TSHR: variants seen among roughly 807,000 people sequenced by gnomAD.
TSHR encodes the protein thyrotropin receptor.
TSHR carries 51 observed loss-of-function variants against 64.1 expected under a neutral mutation model. The ratio of observed to expected loss-of-function variants is 0.80; its 90% confidence interval spans 0.64 to 1.01. The LOEUF (loss-of-function observed/expected upper bound fraction) is 1.01. Ranked by LOEUF, TSHR falls within the 50% of genes least tolerant of loss-of-function variation. TSHR has a pLI of 0.00. For missense variants in TSHR, 877 were observed against 942.8 expected (o/e 0.93, Z 0.91); for synonymous variants, 361 against 361.9 (o/e 1.00, Z 0.03).
chr14:81,059,930 T>C (rs917890016), intron 1 of TSHR, among the ~76,000 whole-genome samples: 2 of 152,152 alleles, frequency 1.3e-5, no homozygotes, highest in Non-Finnish European at 2.9e-5. Flanking sequence ...AAACAGGTGT[T>C]ATATATTTCA....
chr14:81,090,791 A>G (rs550047900), intron 4 of TSHR, among the ~76,000 whole-genome samples: 44 of 152,306 alleles, frequency 2.9e-4, no homozygotes, highest in Non-Finnish European at 3.8e-4. Flanking sequence ...TTTCTAGTAA[A>G]CCCACTTGGT....
At chr14:81,138,176 C>A (rs962715436) in intron 8 of TSHR, among the ~76,000 whole-genome samples, 1 of 150,934 alleles carries the variant, frequency 6.6e-6, no homozygotes. Flanking sequence ...CAGGAACAAG[C>A]GCCAAGGGTA....
At chr14:81,070,625 CAAAAAAAA>C (rs60958301) in intron 3 of TSHR, among the ~76,000 whole-genome samples, 1 of 15,806 alleles carries the variant, frequency 6.3e-5, no homozygotes, top group Admixed American at 1.0e-3. Flanking sequence ...GATTCCATCT[CAAAAAAAA>C]AAAAAAAAAA....
chr14:80,955,640 G>C lies in TSHR; in HGVS notation c.-41G>C. The stretch of plus-strand genomic sequence containing the variant: ...CGAGGTGCAGAGCTGAGAATGAGGC[G>C]ATTTCGGAGGATGGAGAAATAGCCC... On this transcript the variant is annotated 5_prime_UTR_variant, in exon 1 of 10. Transcript: ENST00000298171. 6.2e-7 allele frequency: 1 copy of C among 1,612,030 alleles called. No homozygotes were observed.
chr14:81,005,924 G>T (rs1889579720), intron 1 of TSHR, among the ~76,000 whole-genome samples: 1 of 152,136 alleles, frequency 6.6e-6, no homozygotes, highest in Non-Finnish European at 1.5e-5. Context: ...CCACTGATAT[G>T]ATACTAACCC....
At chr14:81,119,688 C>A (rs1890700334) in intron 8 of TSHR, among the ~76,000 whole-genome samples, 1 of 127,590 alleles carries the variant, frequency 7.8e-6, no homozygotes, top group Admixed American at 7.6e-5. Context: ...GGTATATACC[C>A]AAAGGACTAT....
chr14:81,043,076 G>A (rs1885000333), intron 1 of TSHR, among the ~76,000 whole-genome samples: 1 of 152,058 alleles, frequency 6.6e-6, no homozygotes, highest in African/African-American at 2.4e-5. Context: ...ACATAGCATT[G>A]GAAGTTCTAG....
At chr14:81,136,251 A>T (rs1176955980) in intron 8 of TSHR, among the ~76,000 whole-genome samples, 1 of 152,236 alleles carries the variant, frequency 6.6e-6, no homozygotes, top group Non-Finnish European at 1.5e-5. Context: ...TTGAAAAAGA[A>T]TAAAAGTGGA....
chr14:81,017,038 A>T (rs1883448687), intron 1 of TSHR, among the ~76,000 whole-genome samples: 1 of 152,206 alleles, frequency 6.6e-6, no homozygotes, highest in African/African-American at 2.4e-5. Flanking sequence ...TAAACAGAAC[A>T]TAGGATTTAA....
Position 81,073,544 on chromosome 14 carries a change from C to T in TSHR, c.317+5216C>T, listed in dbSNP as rs575871227. 9.2e-4 allele frequency among the ~76,000 whole-genome samples: 140 copies of T among 152,148 alleles called. 1 individual carries two copies. The Middle Eastern group carries it at 0.014, about 15-fold the overall frequency. On this transcript the variant is annotated intron_variant, in intron 3 of 9. Coordinates refer to ENST00000298171, the MANE Select transcript of TSHR (RefSeq NM_000369.5). Reference sequence around the variant, plus strand: ...CCATGTTCTCTAACTAGTAAATAACCTAACTTCTAAATAACTCTGATTTCT... The same window carrying T: ...CCATGTTCTCTAACTAGTAAATAACTTAACTTCTAAATAACTCTGATTTCT...
intron 8 of TSHR, among the ~76,000 whole-genome samples, chr14:81,121,292 G>C (rs938677493): frequency 6.6e-6 from 1 of 152,176 alleles, no homozygotes; most frequent in African/African-American, 2.4e-5. Context: ...GCAGGTGGGA[G>C]AATCGGAATG....
rs528178231 is a variant in TSHR, at chr14:81,061,344, G to A, written c.171-804G>A. On this transcript the variant is annotated intron_variant, in intron 1 of 9. Coordinates refer to ENST00000298171, the MANE Select transcript of TSHR (RefSeq NM_000369.5). ...ATACAATATATTATGTTGTTCGCAC[G>A]AATGTTCATTGTAGCACTTTTCACA... Among the ~76,000 whole-genome samples, 7 of 152,062 alleles carry A rather than the reference G, an allele frequency of 4.6e-5. No homozygotes were observed. The South Asian group carries it at 8.3e-4, about 18-fold the overall frequency.
chr14:80,979,479 A>G (rs1888060079), intron 1 of TSHR, among the ~76,000 whole-genome samples: 1 of 152,212 alleles, frequency 6.6e-6, no homozygotes, highest in African/African-American at 2.4e-5. Flanking sequence ...TATGTTAACA[A>G]TAATGTATTG....
intron 8 of TSHR, among the ~76,000 whole-genome samples, chr14:81,110,777 T>C (rs1305729116): frequency 6.6e-6 from 1 of 152,200 alleles, no homozygotes; most frequent in African/African-American, 2.4e-5. Flanking sequence ...GCCTGCTCTA[T>C]TCTTGGTGAA....
chr14:81,044,657 CAAA>C (rs147382752), intron 1 of TSHR, among the ~76,000 whole-genome samples: 1 of 113,558 alleles, frequency 8.8e-6, no homozygotes. Context: ...GACTCTGTCT[CAAA>C]AAAAAAAAAA....
chr14:80,971,995 AT>A (rs1288351928), intron 1 of TSHR, among the ~76,000 whole-genome samples: 1 of 152,228 alleles, frequency 6.6e-6, no homozygotes, highest in Non-Finnish European at 1.5e-5. Context: ...ATGATGAAAT[AT>A]AGTAACTTGA....
intron 1 of TSHR, among the ~76,000 whole-genome samples, chr14:81,017,817 G>A (rs942478785): frequency 7.3e-5 from 11 of 150,794 alleles, no homozygotes; most frequent in African/African-American, 2.2e-4. Context: ...CCCAAATGCC[G>A]CATTGTATAA....
chr14:80,983,739 G>C, intron 1 of TSHR: 1 of 399,458 alleles, frequency 2.5e-6, no homozygotes, highest in Non-Finnish European at 4.6e-6. Flanking sequence ...TGGTGTACAA[G>C]TTATACATTG....
At chr14:81,003,037 A>T (rs1262216893) in intron 1 of TSHR, among the ~76,000 whole-genome samples, 1 of 54,254 alleles carries the variant, frequency 1.8e-5, no homozygotes, top group Non-Finnish European at 3.7e-5. Context: ...TGTCCATGTG[A>T]TCTCATTGTT....
Sources: allele counts gnomAD v4.1 joint callset (sites outside exome capture counted in the v4.1 genomes callset), GRCh38; gene constraint gnomAD v4.1.1; transcripts MANE v1.5; gene names NCBI Gene and HGNC (gene_info 2026-07-23, HGNC 2026-07-21).